Variants in ASIP observed in about 807,000 individuals in gnomAD.
ASIP encodes the protein agouti-signaling protein.
Under a neutral mutation model 10.3 loss-of-function variants are expected in ASIP, and 11 were observed. The ratio of observed to expected loss-of-function variants is 1.07; its 90% CI spans 0.68 to 1.78. ASIP has a LOEUF of 1.78. Among genes scored for constraint, ASIP ranks in the 40% most tolerant of loss-of-function variants. The probability of loss-of-function intolerance (pLI) is 0.00; values close to 1 mark genes in which losing one functional copy is unlikely to be tolerated. For synonymous variants in ASIP, 70 were observed against 70.8 expected (o/e 0.99, Z 0.06); for missense variants, 180 against 169.2 (o/e 1.06, Z -0.35).
chr20:34,212,837 A>C (rs1177517820), intron 1 of ASIP, among the ~76,000 whole-genome samples: 1 of 152,144 alleles, frequency 6.6e-6, no homozygotes, highest in Non-Finnish European at 1.5e-5. Context: ...TGTAGGGGAA[A>C]TACTTTAAGA....
chr20:34,268,792 G>A (rs1347491069), intron 3 of ASIP, among the ~76,000 whole-genome samples, 199 bp from the exon 4 acceptor site: 2 of 152,024 alleles, frequency 1.3e-5, no homozygotes, highest in Admixed American at 1.3e-4. Flanking sequence ...AGACGACCAG[G>A]GCCAGGCAAG....
At chr20:34,230,744 G>A (rs2035116282) in intron 1 of ASIP, among the ~76,000 whole-genome samples, 1 of 43,924 alleles carries the variant, frequency 2.3e-5, no homozygotes, top group Non-Finnish European at 3.9e-5. Context: ...CTCCCTCCCG[G>A]ATGGGGCGGC....
the ASIP span, among the ~76,000 whole-genome samples, chr20:34,187,103 C>A: frequency 7.2e-5 from 11 of 152,272 alleles, no homozygotes; most frequent in African/African-American, 2.6e-4. Flanking sequence ...GGGTTGAAAA[C>A]TGAAATAATT....
chr20:34,255,065 T>C (rs2083270319), intron 1 of ASIP, among the ~76,000 whole-genome samples: 1 of 152,146 alleles, frequency 6.6e-6, no homozygotes, highest in African/African-American at 2.4e-5. Flanking sequence ...GTGCAGTGAA[T>C]AGTGTTTACA....
the ASIP span, among the ~76,000 whole-genome samples, chr20:34,188,456 G>A: frequency 6.6e-6 from 1 of 152,218 alleles, no homozygotes; most frequent in Non-Finnish European, 1.5e-5. Flanking sequence ...GATTCATCTA[G>A]AAGAAAGTCT....
At chr20:34,188,575 A>T in the ASIP span, among the ~76,000 whole-genome samples, 1 of 152,202 alleles carries the variant, frequency 6.6e-6, no homozygotes, top group Admixed American at 6.5e-5. Context: ...TCCTGGTAAC[A>T]GTAGTTATTT....
chr20:34,202,749 G>A (rs913719639), intron 1 of ASIP, among the ~76,000 whole-genome samples: 1 of 149,040 alleles, frequency 6.7e-6, no homozygotes, highest in African/African-American at 2.5e-5. Flanking sequence ...TTGATATTTG[G>A]TAGAATAAGT....
Position 34,205,387 on chromosome 20 carries a change from C to A in ASIP, c.-11+10627C>A, listed in dbSNP as rs181246620. On this transcript the variant is annotated intron_variant, in intron 1 of 3. Coordinates refer to the ASIP transcript ENST00000568305. ...TGAGTGTTACAGCTCATAGAGGCGG[C>A]GCATCCGGAGTTGTTCATTCCTCCC... Among the ~76,000 whole-genome samples the A allele has an allele frequency of 8.5e-4, 128 of 151,396 alleles. 1 individual carries two copies. The highest frequency in any genetic ancestry group is 1.3e-3 in the Non-Finnish European group (85 of 67,910).
At chr20:34,262,950 AAGG>A (rs1490474455) in intron 3 of ASIP, 57 bp downstream of exon 3, 2 of 1,592,162 alleles carry the variant, frequency 1.3e-6, no homozygotes, top group Non-Finnish European at 1.7e-6. Context: ...GGACTTAAAG[AAGG>A]AGGACCCCCA....
upstream of ASIP, among the ~76,000 whole-genome samples, chr20:34,236,963 T>C (rs2035219216): frequency 6.6e-6 from 1 of 152,216 alleles, no homozygotes; most frequent in African/African-American, 2.4e-5. Flanking sequence ...TGAAAAAAAC[T>C]CTTATTTCCC....
chr20:34,213,750 A>G, intron 1 of ASIP: 2 of 1,505,462 alleles, frequency 1.3e-6, no homozygotes, highest in Non-Finnish European at 1.8e-6. Flanking sequence ...GAAGGAAAGT[A>G]CAGACTCCAC....
chr20:34,264,447 A>G (rs1320890153), intron 3 of ASIP, among the ~76,000 whole-genome samples: 3 of 152,200 alleles, frequency 2.0e-5, no homozygotes, highest in Non-Finnish European at 4.4e-5. Flanking sequence ...GTATTTTTCA[A>G]TGTGTTTAAT....
upstream of ASIP, among the ~76,000 whole-genome samples, chr20:34,191,055 T>G (rs1450312287): frequency 2.6e-5 from 4 of 152,154 alleles, no homozygotes; most frequent in African/African-American, 7.2e-5. Flanking sequence ...AGAGGCACAG[T>G]TCAACAAATC....
the ASIP span, among the ~76,000 whole-genome samples, chr20:34,187,345 A>C: frequency 1.5e-4 from 23 of 152,212 alleles, no homozygotes; most frequent in Admixed American, 1.5e-3. Context: ...TTAGCTGTGT[A>C]ACTGTTCAGA....
At chr20:34,214,053 A>G (rs6088433) in intron 1 of ASIP, 137,886 of 1,304,088 alleles carry the variant, frequency 0.11, 8,106 homozygotes, top group South Asian at 0.2. Context: ...ATTCATTATT[A>G]ACAATCATCA....
chr20:34,223,853 T>C (rs1438154408), intron 1 of ASIP, among the ~76,000 whole-genome samples: 1 of 102,034 alleles, frequency 9.8e-6, no homozygotes, highest in Admixed American at 9.6e-5. Flanking sequence ...CATGGGAGAC[T>C]TTTCATTTTG....
chr20:34,268,323 G>A (rs1026712758), intron 3 of ASIP, among the ~76,000 whole-genome samples: 2 of 152,144 alleles, frequency 1.3e-5, no homozygotes, highest in Non-Finnish European at 2.9e-5. Context: ...TGCTGCGTTC[G>A]GTGCACAGCG....
At chr20:34,214,485 T>C in intron 1 of ASIP, 2 of 1,510,314 alleles carry the variant, frequency 1.3e-6, no homozygotes, top group Non-Finnish European at 9.2e-7. Context: ...AGATAGATAC[T>C]GGAAGAGCTT....
At chr20:34,221,610 G>C (rs1041422305) in intron 1 of ASIP, among the ~76,000 whole-genome samples, 2 of 152,134 alleles carry the variant, frequency 1.3e-5, no homozygotes, top group Non-Finnish European at 2.9e-5. Context: ...GTTATAAAGG[G>C]CCTGGAAAAC....
Sources: allele counts gnomAD v4.1 joint callset (sites outside exome capture counted in the v4.1 genomes callset), GRCh38; gene constraint gnomAD v4.1.1; transcripts MANE v1.5; gene names NCBI Gene and HGNC (gene_info 2026-07-23, HGNC 2026-07-21).